LRFN2: variants seen among roughly 807,000 people sequenced by gnomAD.
LRFN2 encodes leucine rich repeat and fibronectin type III domain containing 2, also known as leucine-rich repeat and fibronectin type-III domain-containing protein 2.
In LRFN2, 18 loss-of-function variants were observed where a neutral mutation model predicts 37.3. That is an observed-to-expected ratio of 0.48 (90% CI 0.33 to 0.72). The LOEUF (loss-of-function observed/expected upper bound fraction) is 0.72, where lower values mean the gene tolerates loss of function less well. Ranked by LOEUF, LRFN2 falls within the 30% of genes least tolerant of loss-of-function variation. The pLI is 0.02. For missense variants in LRFN2, 1,006 were observed against 1,060.7 expected (o/e 0.95, Z 0.72); for synonymous variants, 556 against 466.6 (o/e 1.19, Z -2.47).
chr6:40,581,010 G>A (rs1767387818), intron 1 of LRFN2, among the ~76,000 whole-genome samples: 1 of 152,138 alleles, frequency 6.6e-6, no homozygotes, highest in Non-Finnish European at 1.5e-5. Flanking sequence ...GGGGGTGTGT[G>A]TGTATGAATG....
At chr6:40,454,023 G>A (rs1434655488) in intron 1 of LRFN2, among the ~76,000 whole-genome samples, 2 of 152,094 alleles carry the variant, frequency 1.3e-5, no homozygotes, top group African/African-American at 4.8e-5. Flanking sequence ...AATGACTCTG[G>A]GTTCCCTGAA....
At chr6:40,478,338 G>T (rs183993805) in intron 1 of LRFN2, among the ~76,000 whole-genome samples, 7 of 152,120 alleles carry the variant, frequency 4.6e-5, no homozygotes, top group Non-Finnish European at 1.0e-4. Flanking sequence ...AATATTAATT[G>T]CCACCATTAT....
At chr6:40,497,241 G>A (rs1425356908) in intron 1 of LRFN2, among the ~76,000 whole-genome samples, 1 of 152,110 alleles carries the variant, frequency 6.6e-6, no homozygotes, top group East Asian at 1.9e-4. Flanking sequence ...GTTCCCCCCA[G>A]ATGTCCCTTA....
At chr6:40,431,636 C>G (rs1053758679) in intron 2 of LRFN2, 78 bp downstream of exon 2, 61 of 1,289,540 alleles carry the variant, frequency 4.7e-5, no homozygotes, top group Non-Finnish European at 6.1e-5. Flanking sequence ...TAGGTGGGAG[C>G]AGCCCCAAGA....
chr6:40,446,501 G>T (rs980815014), intron 1 of LRFN2, among the ~76,000 whole-genome samples: 1 of 152,134 alleles, frequency 6.6e-6, no homozygotes, highest in Non-Finnish European at 1.5e-5. Flanking sequence ...ACTGCCAATG[G>T]CCTTGCTGAT....
intron 1 of LRFN2, among the ~76,000 whole-genome samples, chr6:40,475,376 C>A (rs1225341418): frequency 6.6e-6 from 1 of 152,088 alleles, no homozygotes; most frequent in East Asian, 1.9e-4. Flanking sequence ...CCACTCCGTA[C>A]TAGAGACAAG....
intron 1 of LRFN2, among the ~76,000 whole-genome samples, chr6:40,462,040 A>G (rs1167654023): frequency 1.3e-5 from 2 of 152,198 alleles, no homozygotes; most frequent in Non-Finnish European, 2.9e-5. Flanking sequence ...GCAAATGCAA[A>G]ACGTGCAATT....
intron 2 of LRFN2, among the ~76,000 whole-genome samples, chr6:40,402,778 G>C (rs1485975208): frequency 6.6e-6 from 1 of 152,194 alleles, no homozygotes; most frequent in Non-Finnish European, 1.5e-5. Flanking sequence ...TAGAGGCAGT[G>C]GTTAACTGAA....
intron 1 of LRFN2, among the ~76,000 whole-genome samples, chr6:40,543,958 A>G (rs1359243319): frequency 1.3e-5 from 2 of 152,202 alleles, no homozygotes; most frequent in Non-Finnish European, 2.9e-5. Flanking sequence ...TGTCCTAGTC[A>G]TATCTTGGGG....
At chr6:40,417,665 G>C (rs546608262) in intron 2 of LRFN2, among the ~76,000 whole-genome samples, 2 of 152,234 alleles carry the variant, frequency 1.3e-5, no homozygotes, top group East Asian at 3.9e-4. Flanking sequence ...CTCCACTCAC[G>C]GCTATGAGTT....
In LRFN2 at chr6:40,523,687, A is replaced by T. The variant is rs116061515; in HGVS notation, c.-19+63254T>A. The T allele has an allele frequency of 2.6e-5, 4 of 152,242 alleles. No individual in the cohort carries two copies. The East Asian group carries it at 5.8e-4, about 22-fold the overall frequency. The allele number at this position is 152,242 out of a possible 1,614,324, so 9.4% of individuals were successfully genotyped here. On this transcript the variant is annotated intron_variant, in intron 1 of 2. Coordinates refer to ENST00000338305, the MANE Select transcript of LRFN2 (RefSeq NM_020737.3). ...GATTGCACCAGAAATAAGTTCTATC[A>T]TTGGCCCTGTTTACTCATGAACACA...
At chr6:40,571,920 G>T (rs988117978) in intron 1 of LRFN2, among the ~76,000 whole-genome samples, 3 of 152,210 alleles carry the variant, frequency 2.0e-5, no homozygotes, top group Non-Finnish European at 4.4e-5. Context: ...TGCCCTCACT[G>T]CTCCTTGAGT....
At chr6:40,433,966 C>T (rs2113826959) in intron 1 of LRFN2, among the ~76,000 whole-genome samples, 1 of 152,302 alleles carries the variant, frequency 6.6e-6, no homozygotes, top group Admixed American at 6.5e-5. Flanking sequence ...CTCAGAGCCT[C>T]CTTTGGATCT....
In LRFN2 at chr6:40,435,688, G is replaced by A. The variant is rs145016892; in HGVS notation, c.-18-2557C>T. Reference sequence around the variant, plus strand: ...CTAGTAGCTGGGACTACAGGTGCCCGCCACCACACCCGGCTAATTTTTTGT... The same window carrying A: ...CTAGTAGCTGGGACTACAGGTGCCCACCACCACACCCGGCTAATTTTTTGT... On this transcript the variant is annotated intron_variant, in intron 1 of 2. Coordinates refer to ENST00000338305, the MANE Select transcript of LRFN2 (RefSeq NM_020737.3). Among the ~76,000 whole-genome samples the A allele has an allele frequency of 2.2e-3, 332 of 152,078 alleles. 10 individuals carry two copies. The East Asian group carries it at 0.025, about 12-fold the overall frequency.
At chr6:40,495,829 G>A (rs1170814918) in intron 1 of LRFN2, among the ~76,000 whole-genome samples, 2 of 152,018 alleles carry the variant, frequency 1.3e-5, no homozygotes, top group Non-Finnish European at 2.9e-5. Flanking sequence ...CTGGTCATAC[G>A]ACTTCCAACA....
intron 1 of LRFN2, among the ~76,000 whole-genome samples, chr6:40,577,246 C>T (rs1467341605): frequency 1.3e-5 from 2 of 152,006 alleles, no homozygotes; most frequent in Admixed American, 1.3e-4. Context: ...GGACTACAGG[C>T]ACGCGCGGCC....
At chr6:40,473,604 A>G (rs1019087317) in intron 1 of LRFN2, among the ~76,000 whole-genome samples, 1 of 152,178 alleles carries the variant, frequency 6.6e-6, no homozygotes, top group Non-Finnish European at 1.5e-5. Flanking sequence ...TCTGGGATAT[A>G]TGTGCAGAAC....
chr6:40,571,378 G>C (rs1469175491), intron 1 of LRFN2, among the ~76,000 whole-genome samples: 1 of 152,182 alleles, frequency 6.6e-6, no homozygotes, highest in Admixed American at 6.5e-5. Flanking sequence ...GCCAGAATAA[G>C]AGGATGCTGC....
At position 40,485,557 on chromosome 6, in the gene LRFN2, A is replaced by G. The variant is rs998637338; in HGVS notation, c.-18-52426T>C. ...AGCAGACAATGCAGCTAGTGACAAG[A>G]TAAACTCCTCCAACATCGACAGCAA... is the stretch of plus-strand genomic sequence containing the variant. On this transcript the variant is annotated intron_variant, in intron 1 of 2. Coordinates refer to ENST00000338305, the MANE Select transcript of LRFN2 (RefSeq NM_020737.3). 5.9e-5 allele frequency among the ~76,000 whole-genome samples: 9 copies of G among 152,204 alleles called. No individual in the cohort carries two copies. In the South Asian group the frequency reaches 6.2e-4, roughly 10 times the overall value.
Sources: allele counts gnomAD v4.1 joint callset (sites outside exome capture counted in the v4.1 genomes callset), GRCh38; gene constraint gnomAD v4.1.1; transcripts MANE v1.5; gene names NCBI Gene and HGNC (gene_info 2026-07-23, HGNC 2026-07-21).